NUDT3: variants seen among roughly 807,000 people sequenced by gnomAD.
The protein encoded by NUDT3 is diphosphoinositol polyphosphate phosphohydrolase 1.
In NUDT3, 9 loss-of-function variants were observed where a neutral mutation model predicts 23.6. The ratio of observed to expected loss-of-function variants is 0.38; its 90% CI spans 0.23 to 0.66. The LOEUF (loss-of-function observed/expected upper bound fraction) is 0.66, where lower values mean the gene tolerates loss of function less well. Ranked by LOEUF, NUDT3 falls within the 30% of genes least tolerant of loss-of-function variation. The pLI is 0.52. For synonymous variants in NUDT3, 86 were observed against 82.6 expected, an observed-to-expected ratio of 1.04 and a Z score of -0.22; for missense variants, 172 against 218.5, an observed-to-expected ratio of 0.79 and a Z score of 1.34.
chr6:34,370,134 A>G (rs550315790), intron 1 of NUDT3, among the ~76,000 whole-genome samples: 1 of 152,348 alleles, frequency 6.6e-6, no homozygotes, highest in Non-Finnish European at 1.5e-5. Context: ...TAGAACATTT[A>G]TGACCATTTG....
At chr6:34,370,814 C>T (rs1328947061) in intron 1 of NUDT3, among the ~76,000 whole-genome samples, 1 of 152,142 alleles carries the variant, frequency 6.6e-6, no homozygotes, top group Non-Finnish European at 1.5e-5. Flanking sequence ...TTAAAAATGT[C>T]TAATACTGGC....
intron 2 of NUDT3, among the ~76,000 whole-genome samples, chr6:34,309,871 A>C (rs564508064): frequency 1.6e-4 from 25 of 152,282 alleles, no homozygotes; most frequent in African/African-American, 5.8e-4. Context: ...GAAAGGTAGA[A>C]TCTGTCAAAA....
At chr6:34,388,390 CTAA>C (rs1387900363) in intron 1 of NUDT3, among the ~76,000 whole-genome samples, 1 of 152,068 alleles carries the variant, frequency 6.6e-6, no homozygotes, top group African/African-American at 2.4e-5. Context: ...TGTATTAATG[CTAA>C]TAATATTCTG....
chr6:34,313,826 G>T (rs147583226), intron 2 of NUDT3, among the ~76,000 whole-genome samples: 1 of 151,734 alleles, frequency 6.6e-6, no homozygotes. Context: ...GGCCAAGCGC[G>T]GTGGCTCACG....
rs1763318671 is a variant in NUDT3 at position 34,285,090 on chromosome 6, A to G, written c.*3663T>C. The G allele has an allele frequency of 6.6e-6, 1 of 152,176 alleles. No individual in the cohort carries two copies. Among genetic ancestry groups the G allele is most frequent in the Non-Finnish European group, 1.5e-5 (1 of 68,038 alleles). The allele number at this position is 152,176 out of a possible 1,614,324, so 9.4% of individuals were successfully genotyped here. ...GGGGGTGATACTCCCACACCCTTTGATCCTTCCAGATGGCTCAGCCTAGAT... is the reference window on the plus strand; with the variant it reads ...GGGGGTGATACTCCCACACCCTTTGGTCCTTCCAGATGGCTCAGCCTAGAT... On this transcript the variant is annotated 3_prime_UTR_variant, in exon 5 of 5. Coordinates refer to ENST00000607016, the MANE Select transcript of NUDT3 (RefSeq NM_006703.4).
intron 1 of NUDT3, among the ~76,000 whole-genome samples, chr6:34,362,647 G>C (rs1280011308): frequency 6.6e-6 from 1 of 152,114 alleles, no homozygotes; most frequent in African/African-American, 2.4e-5. Context: ...GTAGAGACGA[G>C]GTTTCACAAT....
At chr6:34,387,673 T>C (rs1443318720) in intron 1 of NUDT3, among the ~76,000 whole-genome samples, 1 of 98,780 alleles carries the variant, frequency 1.0e-5, no homozygotes, top group African/African-American at 3.9e-5. Context: ...CATCTCTTTT[T>C]AAAAAAAAAA....
Position 34,286,401 on chromosome 6 carries a change from G to T in NUDT3, c.*2352C>A, listed in dbSNP as rs6908522. 0.079 allele frequency: 12,027 copies of T among 152,194 alleles called. 905 individuals carry two copies. Among genetic ancestry groups the T allele is most frequent in the African/African-American group, 0.2 (8,190 of 41,484 alleles). The allele number at this position is 152,194 out of a possible 1,614,324, so 9.4% of individuals were successfully genotyped here. ...CAGCCCTGCAGTCCCTTTTTAAAGA[G>T]TACTGACTGTTTTCCTGCAAAGTAC... On this transcript the variant is annotated 3_prime_UTR_variant, in exon 5 of 5. Transcript: ENST00000607016.
intron 1 of NUDT3, among the ~76,000 whole-genome samples, chr6:34,365,609 T>C (rs1014204045): frequency 3.9e-5 from 6 of 152,138 alleles, no homozygotes; most frequent in Non-Finnish European, 5.9e-5. Context: ...GGAGTAGTCA[T>C]ATTCATTGAG....
chr6:34,382,396 C>G (rs1765035064), intron 1 of NUDT3, among the ~76,000 whole-genome samples: 1 of 152,202 alleles, frequency 6.6e-6, no homozygotes, highest in African/African-American at 2.4e-5. Flanking sequence ...GACCCAGACC[C>G]TGTCTCAAAA....
chr6:34,297,001 G>C (rs1763510356), intron 2 of NUDT3, among the ~76,000 whole-genome samples: 1 of 144,978 alleles, frequency 6.9e-6, no homozygotes, highest in Admixed American at 7.0e-5. Context: ...GTGTGATTTT[G>C]GCTCACTGCA....
At chr6:34,366,269 G>A (rs912551751) in intron 1 of NUDT3, among the ~76,000 whole-genome samples, 2 of 150,498 alleles carry the variant, frequency 1.3e-5, no homozygotes, top group Non-Finnish European at 3.0e-5. Flanking sequence ...CAGCTACTGC[G>A]GAGGGCTGGG....
chr6:34,295,897 C>T (rs1221232900), intron 2 of NUDT3, among the ~76,000 whole-genome samples: 1 of 152,088 alleles, frequency 6.6e-6, no homozygotes, highest in Admixed American at 6.6e-5. Context: ...GTTAGAATGC[C>T]TTTCATTTCT....
At position 34,345,751 on chromosome 6, in the gene NUDT3, G is replaced by A. The variant is rs527607594; in HGVS notation, c.100-3779C>T. Among the ~76,000 whole-genome samples the A allele has an allele frequency of 2.0e-5, 3 of 151,552 alleles. No individual in the cohort carries two copies. The South Asian group carries it at 6.2e-4, about 32-fold the overall frequency. ...CCTCAATGGAGTAACCTTCCAGAAGGTTATCCTTACTTTTGTTTTGTTTTG... is the reference window on the plus strand; with the variant it reads ...CCTCAATGGAGTAACCTTCCAGAAGATTATCCTTACTTTTGTTTTGTTTTG... On this transcript the variant is annotated intron_variant, in intron 1 of 4. Coordinates refer to ENST00000607016, the MANE Select transcript of NUDT3 (RefSeq NM_006703.4).
intron 2 of NUDT3, among the ~76,000 whole-genome samples, chr6:34,298,825 A>T (rs748739091): frequency 1.3e-5 from 2 of 152,214 alleles, no homozygotes; most frequent in Non-Finnish European, 2.9e-5. Context: ...ATTTAATGTG[A>T]TCTTACCAAT....
chr6:34,387,777 C>T lies in NUDT3; in HGVS notation c.99+4487G>A, dbSNP rs932380068. 1.1e-4 allele frequency among the ~76,000 whole-genome samples: 17 copies of T among 147,854 alleles called. 1 individual carries two copies. In the South Asian group the frequency reaches 1.5e-3, roughly 13 times the overall value. ...TGTGTTTTAAGCTAAGTATTACAAA[C>T]GAGTCAGAATGTTAAAAAATGTAAA... is the stretch of plus-strand genomic sequence containing the variant. On this transcript the variant is annotated intron_variant, in intron 1 of 4. Transcript: ENST00000607016.
At chr6:34,311,538 T>A (rs184524386) in intron 2 of NUDT3, among the ~76,000 whole-genome samples, 324 of 152,258 alleles carry the variant, frequency 2.1e-3, no homozygotes, top group Non-Finnish European at 3.1e-3. Flanking sequence ...CAATCCCAAT[T>A]AAAATCCCAG....
At chr6:34,391,261 C>G (rs1765194608) in intron 1 of NUDT3, among the ~76,000 whole-genome samples, 1 of 152,152 alleles carries the variant, frequency 6.6e-6, no homozygotes, top group Non-Finnish European at 1.5e-5. Flanking sequence ...CTGCTGAATC[C>G]AATATAACAT....
rs540609794 is a variant in NUDT3, at chr6:34,285,443, G to C, written c.*3310C>G. 1.3e-5 allele frequency: 2 copies of C among 152,180 alleles called. No individual in the cohort carries two copies. Among genetic ancestry groups the C allele is most frequent in the South Asian group, 2.1e-4 (1 of 4,830 alleles). The allele number at this position is 152,180 out of a possible 1,614,324, so 9.4% of individuals were successfully genotyped here. On this transcript the variant is annotated 3_prime_UTR_variant, in exon 5 of 5. Transcript: ENST00000607016. ...TACAAATCCACTGCTATCTTCTTCT[G>C]TCCTGAGTTTGGTAGACTTTAATGG...
Sources: gnomAD v4.1 joint callset for allele counts (sites outside exome capture counted in the v4.1 genomes callset) on GRCh38, gnomAD v4.1.1 for gene constraint, MANE v1.5 for transcripts, NCBI Gene and HGNC (gene_info 2026-07-23, HGNC 2026-07-21) for gene names.